Variants in ARFGEF1 observed in about 807,000 individuals in gnomAD.
ARFGEF1 encodes ARF guanine nucleotide exchange factor 1.
Under a neutral mutation model 231.0 loss-of-function variants are expected in ARFGEF1, and 42 were observed. The ratio of observed to expected loss-of-function variants is 0.18; its 90% CI spans 0.14 to 0.24. The LOEUF (loss-of-function observed/expected upper bound fraction) is 0.24. Among genes scored for constraint, ARFGEF1 ranks in the 10% least tolerant of loss-of-function variants. ARFGEF1 has a pLI of 1.00. For missense variants in ARFGEF1, 1,345 were observed against 2,192.0 expected, an observed-to-expected ratio of 0.61 and a Z score of 7.72; for synonymous variants, 710 against 732.3, an observed-to-expected ratio of 0.97 and a Z score of 0.49.
intron 1 of ARFGEF1, among the ~76,000 whole-genome samples, chr8:67,331,735 A>G (rs1372721424): frequency 6.7e-6 from 1 of 149,740 alleles, no homozygotes; most frequent in South Asian, 2.1e-4. Context: ...CTTAGAACAG[A>G]AAAAAAAAAT....
At chr8:67,216,502 A>T in intron 33 of ARFGEF1, 88 bp downstream of exon 33, 1 of 1,199,022 alleles carries the variant, frequency 8.3e-7, no homozygotes, top group Non-Finnish European at 1.2e-6. Context: ...GGAATGGATT[A>T]AGACAATTAC....
chr8:67,309,791 T>C (rs1360189305), intron 1 of ARFGEF1, among the ~76,000 whole-genome samples: 1 of 152,228 alleles, frequency 6.6e-6, no homozygotes, highest in Non-Finnish European at 1.5e-5. Context: ...TCTTAATCAA[T>C]AGTTTTCCAA....
intron 6 of ARFGEF1, among the ~76,000 whole-genome samples, chr8:67,291,225 A>T (rs959979209): frequency 6.6e-6 from 1 of 152,154 alleles, no homozygotes; most frequent in Non-Finnish European, 1.5e-5. Context: ...ACTTCATGGG[A>T]TTATTTTTAC....
chr8:67,342,595 CTA>C (rs1265607227), intron 1 of ARFGEF1, among the ~76,000 whole-genome samples: 3 of 152,050 alleles, frequency 2.0e-5, no homozygotes, highest in East Asian at 1.9e-4. Flanking sequence ...CAATATTACT[CTA>C]TGTTTTTCCT....
chr8:67,303,688 T>TC (rs1806604910), intron 1 of ARFGEF1, among the ~76,000 whole-genome samples: 1 of 151,060 alleles, frequency 6.6e-6, no homozygotes, highest in Admixed American at 6.6e-5. Context: ...CCCTCCAGCC[T>TC]CAGCGACAGA....
At chr8:67,185,425 C>A (rs1834310319) in intron 5 of ARFGEF1, among the ~76,000 whole-genome samples, 1 of 152,202 alleles carries the variant, frequency 6.6e-6, no homozygotes, top group African/African-American at 2.4e-5. Flanking sequence ...ATGAATTGCA[C>A]ATTATTGAAG....
At chr8:67,311,512 T>TGGG (rs1180521239) in intron 1 of ARFGEF1, among the ~76,000 whole-genome samples, 4 of 60,148 alleles carry the variant, frequency 6.7e-5, no homozygotes, top group African/African-American at 2.7e-4. Flanking sequence ...GGGAGGGAGG[T>TGGG]GGGGGGGGGT....
At chr8:67,185,813 C>T (rs183127852) in intron 5 of ARFGEF1, among the ~76,000 whole-genome samples, 1 of 152,044 alleles carries the variant, frequency 6.6e-6, no homozygotes, top group Non-Finnish European at 1.5e-5. Flanking sequence ...ACAAGATACT[C>T]CAGCCAGAAA....
At chr8:67,266,380 C>T (rs1425379421) in intron 13 of ARFGEF1, among the ~76,000 whole-genome samples, 173 bp from the exon 14 acceptor site, 2 of 152,146 alleles carry the variant, frequency 1.3e-5, no homozygotes, top group South Asian at 2.1e-4. Flanking sequence ...TTAAAACACA[C>T]TGTAATTTGT....
chr8:67,252,204 G>A (rs1840308829), intron 18 of ARFGEF1, among the ~76,000 whole-genome samples: 2 of 150,876 alleles, frequency 1.3e-5, no homozygotes, highest in Non-Finnish European at 2.9e-5. Flanking sequence ...CCCAGGAGAC[G>A]GAGGTTGTGG....
intron 1 of ARFGEF1, among the ~76,000 whole-genome samples, chr8:67,342,064 TTAAG>T (rs1389497424): frequency 1.3e-5 from 2 of 152,218 alleles, no homozygotes; most frequent in Non-Finnish European, 2.9e-5. Context: ...CTAGCATACT[TTAAG>T]TTATTGTGGA....
chr8:67,233,722 C>T (rs752825874), intron 22 of ARFGEF1, among the ~76,000 whole-genome samples: 18 of 151,810 alleles, frequency 1.2e-4, no homozygotes, highest in Admixed American at 2.0e-4. Context: ...TTTCCTAAAT[C>T]GTCTCCTTCA....
At chr8:67,259,594 T>C (rs2128890190) in intron 15 of ARFGEF1, among the ~76,000 whole-genome samples, 1 of 152,088 alleles carries the variant, frequency 6.6e-6, no homozygotes, top group South Asian at 2.1e-4. Flanking sequence ...GGAGTCACAA[T>C]ATGTATTATT....
rs112639872 is a variant in ARFGEF1 at position 67,314,116 on chromosome 8, G to GC, written c.125-11651dup. Among the ~76,000 whole-genome samples, 300 of 152,262 alleles carry GC rather than the reference G, an allele frequency of 2.0e-3. 4 individuals are homozygous for GC. The highest frequency in any genetic ancestry group is 6.9e-3 in the African/African-American group (285 of 41,540). On this transcript the variant is annotated intron_variant, in intron 1 of 38. Transcript: ENST00000262215. ...GAAGGGTCAGTCTCACTCCCACCTTGCCCCCTGCAACAGCCCCAAGTCTGT... is the reference window on the plus strand; with the variant it reads ...GAAGGGTCAGTCTCACTCCCACCTTGCCCCCCTGCAACAGCCCCAAGTCTGT...
intron 14 of ARFGEF1, 80 bp downstream of exon 14, chr8:67,265,926 G>A: frequency 1.5e-6 from 2 of 1,311,336 alleles, no homozygotes; most frequent in Non-Finnish European, 1.1e-6. Context: ...TCATTATAAG[G>A]TGATAAACCC....
At chr8:67,214,084 T>C (rs1170827895) in intron 33 of ARFGEF1, among the ~76,000 whole-genome samples, 1 of 152,190 alleles carries the variant, frequency 6.6e-6, no homozygotes, top group African/African-American at 2.4e-5. Context: ...GAAGAGACTG[T>C]TGGTAGAAAT....
At chr8:67,302,265 TTTA>T (rs1037451078) in intron 2 of ARFGEF1, among the ~76,000 whole-genome samples, 168 bp downstream of exon 2, 1 of 151,974 alleles carries the variant, frequency 6.6e-6, no homozygotes, top group Non-Finnish European at 1.5e-5. Flanking sequence ...TATAATTGTA[TTTA>T]TTGTTTTTAT....
At position 67,253,614 on chromosome 8, in the gene ARFGEF1, A is replaced by AT; in HGVS notation, c.2534dup (p.Asn845LysfsTer2). 6.8e-7 allele frequency: 1 copy of AT among 1,462,874 alleles called. No homozygotes were observed. The highest frequency in any genetic ancestry group is 9.2e-7 in the Non-Finnish European group (1 of 1,087,594). The allele number at this position is 1,462,874 out of a possible 1,614,324, so 90.6% of individuals were successfully genotyped here. A position where few individuals can be genotyped will look rare whatever the true frequency, so the allele number is the denominator to read the frequency against. On this transcript the variant is annotated frameshift_variant, in exon 18 of 39. Transcript: ENST00000262215. LOFTEE classifies it high-confidence loss of function. ...TAATGTATTGTTCCTTTGTCATTTT[A>AT]TTTTTCACCTAGATATGAAAAACCA...
At chr8:67,326,669 G>A (rs1807848752) in intron 1 of ARFGEF1, among the ~76,000 whole-genome samples, 1 of 152,038 alleles carries the variant, frequency 6.6e-6, no homozygotes. Flanking sequence ...ACTTAACATT[G>A]TTGTTCTTGG....
Sources: gnomAD v4.1 joint callset for allele counts (sites outside exome capture counted in the v4.1 genomes callset) on GRCh38, gnomAD v4.1.1 for gene constraint, MANE v1.5 for transcripts, NCBI Gene and HGNC (gene_info 2026-07-23, HGNC 2026-07-21) for gene names.